ITPR2: variants seen among roughly 807,000 people sequenced by gnomAD.
The protein encoded by ITPR2 is inositol 1,4,5-trisphosphate receptor type 2, also known as inositol 1,4,5-trisphosphate-gated calcium channel ITPR2.
In ITPR2, 207 loss-of-function variants were observed where a neutral mutation model predicts 317.1. The observed-to-expected ratio is 0.65, with a 90% CI of 0.58 to 0.73. ITPR2 has a LOEUF of 0.73. Ranked by LOEUF, ITPR2 falls within the 30% of genes least tolerant of loss-of-function variation. The pLI, the probability that ITPR2 is intolerant of heterozygous loss-of-function variation, is 0.00. For synonymous variants in ITPR2, 1,156 were observed against 1,149.1 expected, an observed-to-expected ratio of 1.01 and a Z score of -0.12; for missense variants, 2,613 against 3,284.0, an observed-to-expected ratio of 0.80 and a Z score of 4.99.
chr12:26,513,479 G>A (rs1943409279), intron 37 of ITPR2, among the ~76,000 whole-genome samples: 1 of 152,040 alleles, frequency 6.6e-6, no homozygotes. Context: ...CACTCTGAAT[G>A]GGCAATTACT....
intron 10 of ITPR2, among the ~76,000 whole-genome samples, chr12:26,688,079 A>C (rs1948163443): frequency 6.6e-6 from 1 of 152,160 alleles, no homozygotes; most frequent in African/African-American, 2.4e-5. Context: ...TCTGTTGCCC[A>C]GGCTGGAGTG....
intron 21 of ITPR2, among the ~76,000 whole-genome samples, chr12:26,650,911 G>C (rs1249404565): frequency 2.0e-5 from 3 of 152,054 alleles, no homozygotes; most frequent in Admixed American, 6.5e-5. Flanking sequence ...TTCATATGTT[G>C]CTCATAGATT....
rs763302381 is a variant in ITPR2 at position 26,443,536 on chromosome 12, T to C, written c.6450+7A>G. ...TTGGTCTCTTTCAATAAATAATAGA[T>C]GGTTACCTCAATCTGTGCAGTGTGG... On this transcript the variant is annotated splice_region_variant and intron_variant, in intron 46 of 56. Coordinates refer to ENST00000381340, the MANE Select transcript of ITPR2 (RefSeq NM_002223.4). The C allele has an allele frequency of 7.5e-6, 12 of 1,592,636 alleles. No homozygotes were observed. The highest frequency in any genetic ancestry group is 1.0e-5 in the Non-Finnish European group (12 of 1,162,156).
rs146858806 is a variant in ITPR2, at chr12:26,352,037, T to C, written c.7858-11709A>G. Among the ~76,000 whole-genome samples, 119 of 152,306 alleles carry C rather than the reference T, an allele frequency of 7.8e-4. 2 individuals carry two copies. In the East Asian group the frequency reaches 0.017, roughly 22 times the overall value. Reference sequence around the variant, plus strand: ...AGGGGGCATTCGTCCAATGTGTGGCTGCCCACAATCTGAAGCTCCTTCCTG... The same window carrying C: ...AGGGGGCATTCGTCCAATGTGTGGCCGCCCACAATCTGAAGCTCCTTCCTG... On this transcript the variant is annotated intron_variant, in intron 55 of 56. Coordinates refer to ENST00000381340, the MANE Select transcript of ITPR2 (RefSeq NM_002223.4).
chr12:26,688,227 A>G (rs1948166245), intron 10 of ITPR2, among the ~76,000 whole-genome samples: 1 of 151,984 alleles, frequency 6.6e-6, no homozygotes, highest in African/African-American at 2.4e-5. Flanking sequence ...TTGTTGTACT[A>G]ACTGGACCTC....
chr12:26,660,412 A>G (rs1157316485), intron 15 of ITPR2, among the ~76,000 whole-genome samples: 2 of 152,224 alleles, frequency 1.3e-5, no homozygotes, highest in Non-Finnish European at 2.9e-5. Context: ...TCACACTGCC[A>G]TGGGACTGGT....
chr12:26,419,424 A>T, intron 49 of ITPR2: 1 of 479,264 alleles, frequency 2.1e-6, no homozygotes, highest in Non-Finnish European at 3.7e-6. Context: ...AGCATTGCTT[A>T]CAAACTGGCA....
At chr12:26,434,534 G>A (rs1013991252) in intron 48 of ITPR2, among the ~76,000 whole-genome samples, 4 of 152,152 alleles carry the variant, frequency 2.6e-5, no homozygotes, top group Admixed American at 2.0e-4. Context: ...ACATACATTG[G>A]CTCTGGTGGT....
chr12:26,386,590 G>A (rs576776969), intron 55 of ITPR2, among the ~76,000 whole-genome samples: 1 of 151,370 alleles, frequency 6.6e-6, no homozygotes, highest in Non-Finnish European at 1.5e-5. Context: ...TTTTCCTTAG[G>A]ACCAAGTAGC....
intron 45 of ITPR2, among the ~76,000 whole-genome samples, chr12:26,445,607 A>C (rs1941592112): frequency 6.6e-6 from 1 of 152,184 alleles, no homozygotes; most frequent in Admixed American, 6.5e-5. Context: ...CAAATGTAGC[A>C]GGTAAGTCCA....
At chr12:26,507,587 G>A (rs2032788069) in intron 37 of ITPR2, among the ~76,000 whole-genome samples, 1 of 152,172 alleles carries the variant, frequency 6.6e-6, no homozygotes, top group Non-Finnish European at 1.5e-5. Context: ...GTACTGTGGT[G>A]CTAGCCTCTG....
In ITPR2 at chr12:26,354,656, G is replaced by A. The variant is rs143945774; in HGVS notation, c.7858-14328C>T. Among the ~76,000 whole-genome samples, 1,153 of 152,132 alleles carry A rather than the reference G, an allele frequency of 7.6e-3. 11 individuals are homozygous for A. The highest frequency in any genetic ancestry group is 0.025 in the African/African-American group (1,043 of 41,518). ...TCTACCCAGCAAGAGGAAGAGAGTT[G>A]GTGGTTCTCTTTTTTGTTTGTTTGT... On this transcript the variant is annotated intron_variant, in intron 55 of 56. Coordinates refer to ENST00000381340, the MANE Select transcript of ITPR2 (RefSeq NM_002223.4).
intron 2 of ITPR2, among the ~76,000 whole-genome samples, chr12:26,733,954 T>A (rs545261579): frequency 3.9e-5 from 6 of 152,334 alleles, no homozygotes; most frequent in Admixed American, 2.0e-4. Flanking sequence ...TTTTTACATA[T>A]ATTTATGTTT....
intron 37 of ITPR2, among the ~76,000 whole-genome samples, chr12:26,506,403 G>A (rs1943184543): frequency 6.6e-6 from 1 of 151,480 alleles, no homozygotes; most frequent in African/African-American, 2.4e-5. Context: ...CAACTACTAG[G>A]AGGCTGAGGT....
chr12:26,547,275 G>A (rs994642914), intron 37 of ITPR2, among the ~76,000 whole-genome samples: 21 of 152,078 alleles, frequency 1.4e-4, no homozygotes, highest in Admixed American at 1.0e-3. Context: ...GGAAGACAGA[G>A]AAATGGCCGA....
intron 42 of ITPR2, among the ~76,000 whole-genome samples, chr12:26,482,696 A>G (rs1397969160): frequency 6.6e-6 from 1 of 152,180 alleles, no homozygotes; most frequent in Non-Finnish European, 1.5e-5. Flanking sequence ...CCCATAACAA[A>G]TTGTTTATGC....
rs1353309019 is a variant in ITPR2 at position 26,595,974 on chromosome 12, A to AC, written c.4255-385_4255-384insG. On this transcript the variant is annotated intron_variant, in intron 31 of 56. Coordinates refer to ENST00000381340, the MANE Select transcript of ITPR2 (RefSeq NM_002223.4). ...CAGTAGAAAAGAAAGACATTATCGC[A>AC]ATGTACATTCCTGGATGCCTCATTA... 3.9e-5 allele frequency among the ~76,000 whole-genome samples: 6 copies of AC among 152,246 alleles called. No individual in the cohort carries two copies. The East Asian group carries it at 1.2e-3, about 29-fold the overall frequency.
At chr12:26,350,911 TGGTGG>T (rs1457952384) in intron 55 of ITPR2, among the ~76,000 whole-genome samples, 1 of 152,184 alleles carries the variant, frequency 6.6e-6, no homozygotes, top group Admixed American at 6.5e-5. Context: ...CATCTGCTCA[TGGTGG>T]GGTCCTGCCC....
In ITPR2 at chr12:26,715,387, T is replaced by G. The variant is rs1948720991; in HGVS notation, c.767A>C (p.Tyr256Ser). ...AAGGAAAATGTGCTGTTTTTTCTCA[T>G]ATTCATCACAAGTCAAAAACTTCTC... is the stretch of plus-strand genomic sequence containing the variant. ...EQEKFLTCDEYEKKQHIFLRT... is the reference protein window; with the variant it reads ...EQEKFLTCDESEKKQHIFLRT... Residue 256 changes from tyrosine (Y) to serine (S), a missense_variant, in exon 8 of 57, where the codon TAT (tyrosine) becomes TCT (serine). Tyr to Ser is a moderately radical substitution (Grantham distance 144). Coordinates refer to ENST00000381340, the MANE Select transcript of ITPR2 (RefSeq NM_002223.4). The G allele has an allele frequency of 1.2e-6, 2 of 1,613,530 alleles. No individual in the cohort carries two copies. Among genetic ancestry groups the G allele is most frequent in the Non-Finnish European group, 1.7e-6 (2 of 1,179,640 alleles).
Sources: allele counts gnomAD v4.1 joint callset (sites outside exome capture counted in the v4.1 genomes callset), GRCh38; gene constraint gnomAD v4.1.1; transcripts MANE v1.5; gene names NCBI Gene and HGNC (gene_info 2026-07-23, HGNC 2026-07-21).